ZNF469: variants seen among roughly 807,000 people sequenced by gnomAD.
The protein encoded by ZNF469 is zinc finger protein 469.
Under a neutral mutation model 1.0 loss-of-function variants are expected in ZNF469, and 1 was observed. The ratio of observed to expected loss-of-function variants is 1.00; its 90% CI spans 0.35 to 4.73. The LOEUF is 4.73. ZNF469 is among the 30% of genes most tolerant of loss of function. ZNF469 has a pLI of 0.16. For missense variants in ZNF469, 6,100 were observed against 5,356.3 expected (o/e 1.14, Z -4.33); for synonymous variants, 2,703 against 2,363.4 (o/e 1.14, Z -4.17).
chr16:88,262,661 T>C, the ZNF469 span, among the ~76,000 whole-genome samples: 1 of 152,026 alleles, frequency 6.6e-6, no homozygotes, highest in African/African-American at 2.4e-5. The surrounding 1 kb of genome is among the most constrained non-coding windows in gnomAD (Gnocchi z 4.3). Context: ...CCTGGGGTCC[T>C]GGGTCCCCAC....
the ZNF469 span, among the ~76,000 whole-genome samples, chr16:88,311,011 C>T: frequency 3.6e-3 from 543 of 152,320 alleles, 3 homozygotes; most frequent in African/African-American, 0.013. Context: ...CATCCGGATC[C>T]CACCCAGGAT....
chr16:88,354,456 C>T, the ZNF469 span, among the ~76,000 whole-genome samples: 1 of 152,114 alleles, frequency 6.6e-6, no homozygotes, highest in African/African-American at 2.4e-5. Flanking sequence ...TTAGGTGCAG[C>T]TGGGGTCAAG....
the ZNF469 span, among the ~76,000 whole-genome samples, chr16:88,258,680 T>C: frequency 5.9e-5 from 9 of 152,130 alleles, no homozygotes; most frequent in Non-Finnish European, 1.3e-4. Context: ...AGGGTGACGA[T>C]GATGGTGGTG....
At chr16:88,282,995 G>A in the ZNF469 span, among the ~76,000 whole-genome samples, 17 of 152,182 alleles carry the variant, frequency 1.1e-4, no homozygotes, top group Non-Finnish European at 1.6e-4. Context: ...GGACCCCAGC[G>A]ATTCCCTCCG....
chr16:88,115,594 G>C, the ZNF469 span, among the ~76,000 whole-genome samples: 1 of 150,214 alleles, frequency 6.7e-6, no homozygotes, highest in Non-Finnish European at 1.5e-5. Flanking sequence ...GGCCCTGTGT[G>C]TTCCTGGACT....
At chr16:88,333,260 G>C in the ZNF469 span, among the ~76,000 whole-genome samples, 1 of 152,130 alleles carries the variant, frequency 6.6e-6, no homozygotes, top group African/African-American at 2.4e-5. Flanking sequence ...GGCCAGGGGA[G>C]AGAAGGCTCC....
chr16:88,237,003 A>G, the ZNF469 span, among the ~76,000 whole-genome samples: 2 of 151,776 alleles, frequency 1.3e-5, no homozygotes, highest in East Asian at 1.9e-4. Context: ...AACAATTACC[A>G]TATCCCTTCT....
chr16:88,213,224 G>T, the ZNF469 span, among the ~76,000 whole-genome samples: 3 of 151,888 alleles, frequency 2.0e-5, no homozygotes, highest in Admixed American at 1.3e-4. Context: ...TCAGCCTGCC[G>T]AGTAGCTGGG....
the ZNF469 span, among the ~76,000 whole-genome samples, chr16:88,310,771 G>C: frequency 6.6e-6 from 1 of 151,882 alleles, no homozygotes; most frequent in Admixed American, 6.6e-5. Context: ...GTAGAGACCG[G>C]GTTTCACCAT....
At chr16:88,366,302 C>G in the ZNF469 span, among the ~76,000 whole-genome samples, 2 of 151,214 alleles carry the variant, frequency 1.3e-5, no homozygotes, top group Non-Finnish European at 3.0e-5. Flanking sequence ...ACCATCATCA[C>G]CATCATCACT....
the ZNF469 span, among the ~76,000 whole-genome samples, chr16:88,269,218 G>A: frequency 0.055 from 8,338 of 152,212 alleles, 719 homozygotes; most frequent in African/African-American, 0.19. Flanking sequence ...GCCGGCTGGG[G>A]CAAGCTGCAT....
chr16:88,109,838 T>A, the ZNF469 span, among the ~76,000 whole-genome samples: 1 of 152,362 alleles, frequency 6.6e-6, no homozygotes, highest in East Asian at 1.9e-4. Flanking sequence ...AGCGTCTGTG[T>A]CCACGCTGTC....
chr16:88,260,491 C>T, the ZNF469 span, among the ~76,000 whole-genome samples: 3 of 152,188 alleles, frequency 2.0e-5, no homozygotes, highest in African/African-American at 7.2e-5. The surrounding 1 kb of genome is among the most constrained non-coding windows in gnomAD (Gnocchi z 4.1). Context: ...TCTGGGTGCA[C>T]ACACGTGTCC....
chr16:88,162,152 T>A, the ZNF469 span, among the ~76,000 whole-genome samples: 1 of 152,160 alleles, frequency 6.6e-6, no homozygotes, highest in Non-Finnish European at 1.5e-5. Flanking sequence ...ACATGAGAGT[T>A]GAGAAAATCC....
the ZNF469 span, among the ~76,000 whole-genome samples, chr16:88,318,628 C>T: frequency 6.6e-6 from 1 of 152,262 alleles, no homozygotes; most frequent in Non-Finnish European, 1.5e-5. Context: ...GAACTCCTGG[C>T]GTGTCCCACA....
At chr16:88,199,565 C>T in the ZNF469 span, among the ~76,000 whole-genome samples, 3 of 152,350 alleles carry the variant, frequency 2.0e-5, no homozygotes, top group South Asian at 6.2e-4. Context: ...TCTCCTCTGA[C>T]ATTCTTTGGT....
chr16:88,116,185 A>C, the ZNF469 span, among the ~76,000 whole-genome samples: 121,471 of 152,174 alleles, frequency 0.8, 49,550 homozygotes, highest in Non-Finnish European at 0.88. Flanking sequence ...GTGCTCTTCC[A>C]TGAAGAGGAT....
chr16:88,423,752 G>A (rs1438395616), intron 1 of ZNF469, among the ~76,000 whole-genome samples: 2 of 152,180 alleles, frequency 1.3e-5, no homozygotes, highest in Non-Finnish European at 2.9e-5. Flanking sequence ...TCACCTCATG[G>A]CCTCTCCACG....
chr16:88,366,669 C>G, the ZNF469 span, among the ~76,000 whole-genome samples: 4 of 149,842 alleles, frequency 2.7e-5, no homozygotes, highest in Non-Finnish European at 6.0e-5. Flanking sequence ...CCATCATTAT[C>G]GTCACTATCA....
Sources: allele counts gnomAD v4.1 joint callset (sites outside exome capture counted in the v4.1 genomes callset), GRCh38; gene constraint gnomAD v4.1.1; non-coding constraint Gnocchi (gnomAD v3.1); transcripts MANE v1.5; gene names NCBI Gene and HGNC (gene_info 2026-07-23, HGNC 2026-07-21).